Variants in CRAMP1 observed in about 807,000 individuals in gnomAD.
CRAMP1 encodes protein cramped-like.
Under a neutral mutation model 115.4 loss-of-function variants are expected in CRAMP1, and 50 were observed. That is an observed-to-expected ratio of 0.43 (90% CI 0.35 to 0.55). The LOEUF (loss-of-function observed/expected upper bound fraction) is 0.55. Among genes scored for constraint, CRAMP1 ranks in the 20% least tolerant of loss-of-function variants. The pLI is 0.01. For missense variants in CRAMP1, 1,679 were observed against 1,721.7 expected, an observed-to-expected ratio of 0.98 and a Z score of 0.44; for synonymous variants, 866 against 745.4, an observed-to-expected ratio of 1.16 and a Z score of -2.64.
intron 8 of CRAMP1, among the ~76,000 whole-genome samples, chr16:1,653,445 G>C (rs2036741294): frequency 6.6e-6 from 1 of 152,200 alleles, no homozygotes; most frequent in African/African-American, 2.4e-5. Flanking sequence ...GGCCCATACA[G>C]TTCCTCTCCC....
chr16:1,657,076 GC>G, intron 10 of CRAMP1, 84 bp downstream of exon 10: 1 of 1,258,014 alleles, frequency 7.9e-7, no homozygotes, highest in Non-Finnish European at 1.1e-6. Flanking sequence ...GGTAGCTAGG[GC>G]CAGCACGGTT....
intron 5 of CRAMP1, among the ~76,000 whole-genome samples, 192 bp from the exon 6 acceptor site, chr16:1,640,947 G>T (rs923493572): frequency 2.6e-5 from 4 of 152,166 alleles, no homozygotes; most frequent in African/African-American, 9.7e-5. Context: ...GAGCGGGGGC[G>T]ACCAGGGCAG....
Position 1,614,958 on chromosome 16 carries a change from G to A in CRAMP1, c.319G>A (p.Ala107Thr). Residue 107 changes from alanine (A) to threonine (T), a missense_variant, in exon 2 of 21, where the codon GCC becomes ACC. Ala to Thr is a moderately conservative substitution (Grantham distance 58). Around this residue, in one of 8 missense-constraint regions of CRAMP1, gnomAD observed 264 missense variants for 229.7 expected, o/e 1.15. Transcript: ENST00000397412. The surrounding 1 kb of genome is among the most constrained non-coding windows in gnomAD (Gnocchi z 4.4). ...DPPSAVGSGNAGGSGPRGKGA... is the reference protein window; with the variant it reads ...DPPSAVGSGNTGGSGPRGKGA... ...TCCGAGCGCTGTGGGGAGCGGCAAC[G>A]CCGGTGGCTCGGGGCCCCGCGGAAA... The A allele has an allele frequency of 7.9e-7, 1 of 1,260,210 alleles. No individual in the cohort carries two copies. Among genetic ancestry groups the A allele is most frequent in the Admixed American group, 4.2e-5 (1 of 24,090 alleles). 78.1% of individuals were successfully genotyped at this position (1,260,210 alleles called of 1,614,324 possible).
chr16:1,634,607 G>A (rs939462853), intron 4 of CRAMP1, among the ~76,000 whole-genome samples: 1 of 152,084 alleles, frequency 6.6e-6, no homozygotes, highest in African/African-American at 2.4e-5. Context: ...TCTCCTGTTC[G>A]TGCATCTTTG....
Position 1,656,892 on chromosome 16 carries a change from G to C in CRAMP1, c.2135G>C (p.Arg712Pro), listed in dbSNP as rs903823727. 2.6e-6 allele frequency: 4 copies of C among 1,551,336 alleles called. No homozygotes were observed. The highest frequency in any genetic ancestry group is 3.5e-6 in the Non-Finnish European group (4 of 1,147,712). ...GAGTACGACTGGCTGGGGCCCGGCCGCCAGGACCCCCGCCCCGGCTCCCTA... is the reference window on the plus strand; with the variant it reads ...GAGTACGACTGGCTGGGGCCCGGCCCCCAGGACCCCCGCCCCGGCTCCCTA... ...QLEYDWLGPG[R>P]QDPRPGSLPT... Residue 712 changes from arginine to proline, a missense_variant, in exon 10 of 21, where the codon CGC becomes CCC. Coordinates refer to ENST00000397412, the MANE Select transcript of CRAMP1 (RefSeq NM_020825.4). The surrounding 1 kb of genome is among the most constrained non-coding windows in gnomAD (Gnocchi z 5.6).
intron 6 of CRAMP1, among the ~76,000 whole-genome samples, chr16:1,647,585 A>G (rs2036686626): frequency 6.6e-6 from 1 of 151,976 alleles, no homozygotes; most frequent in East Asian, 1.9e-4. Flanking sequence ...TATTAAAAAT[A>G]CAAAATTAGC....
intron 5 of CRAMP1, among the ~76,000 whole-genome samples, chr16:1,640,670 G>A (rs2036624240): frequency 6.6e-6 from 1 of 152,248 alleles, no homozygotes; most frequent in African/African-American, 2.4e-5. Context: ...TCTTCATTCT[G>A]TGGACCCTGG....
At chr16:1,673,411 C>T (rs80216899) in intron 20 of CRAMP1, among the ~76,000 whole-genome samples, 2,951 of 152,314 alleles carry the variant, frequency 0.019, 220 homozygotes, top group Admixed American at 0.13. Context: ...GTCCTCATGT[C>T]TATGATGGAA....
rs1268638888 is a variant in CRAMP1, at chr16:1,666,027, A to C, written c.2753-46A>C. On this transcript the variant is annotated intron_variant, in intron 14 of 20. Transcript: ENST00000397412. This position sits in a 1 kb window ranked among gnomAD's most constrained non-coding sequence, Gnocchi z 5.0. ...TGCGGCCACATCCTGCTGTGAGGGC[A>C]TGGCGGGCGGGCTCGACATGTCTGC... 7.6e-7 allele frequency: 1 copy of C among 1,317,120 alleles called. No homozygotes were observed. The allele number at this position is 1,317,120 out of a possible 1,614,324, so 81.6% of individuals were successfully genotyped here.
chr16:1,649,136 A>G (rs1177721822), intron 6 of CRAMP1, among the ~76,000 whole-genome samples: 1 of 151,970 alleles, frequency 6.6e-6, no homozygotes, highest in Admixed American at 6.6e-5. Flanking sequence ...ATCCCTCAAG[A>G]CAGAAAATCT....
At chr16:1,653,713 C>A (rs773505307) in intron 8 of CRAMP1, among the ~76,000 whole-genome samples, 25 of 149,328 alleles carry the variant, frequency 1.7e-4, no homozygotes, top group Admixed American at 4.7e-4. Flanking sequence ...CCCAGCTACT[C>A]GGGAGGCTGA....
At chr16:1,662,125 T>A (rs527999430) in intron 11 of CRAMP1, among the ~76,000 whole-genome samples, 2 of 152,344 alleles carry the variant, frequency 1.3e-5, no homozygotes, top group East Asian at 3.9e-4. Flanking sequence ...ACATTGGTTT[T>A]CTGGCCCTTC....
At chr16:1,632,992 G>A (rs1596485446) in intron 4 of CRAMP1, among the ~76,000 whole-genome samples, 2 of 152,168 alleles carry the variant, frequency 1.3e-5, no homozygotes, top group African/African-American at 2.4e-5. Flanking sequence ...CTCCAGCAGC[G>A]CACCTGTGCT....
At chr16:1,627,639 C>T (rs1054901354) in intron 3 of CRAMP1, among the ~76,000 whole-genome samples, 3 of 152,170 alleles carry the variant, frequency 2.0e-5, no homozygotes, top group Non-Finnish European at 4.4e-5. Flanking sequence ...CCAGGTGGAC[C>T]GGACTGCCGT....
At position 1,677,699 on chromosome 16, in the gene CRAMP1, ATACAGTGTATG is replaced by A; in HGVS notation, c.*3657_*3667del. The A allele has an allele frequency of 6.5e-6, 1 of 152,806 alleles. No homozygotes were observed. The highest frequency in any genetic ancestry group is 3.4e-3 in the Middle Eastern group (1 of 294). 9.5% of individuals were successfully genotyped at this position (152,806 alleles called of 1,614,324 possible). A position where few individuals can be genotyped will look rare whatever the true frequency, so the allele number is the denominator to read the frequency against. ...TGTTTTATAGATTATAAATATGCAT[ATACAGTGTATG>A]TATAAAGCAGAATGCCTGCCTTTCC... On this transcript the variant is annotated 3_prime_UTR_variant, in exon 21 of 21. Transcript: ENST00000397412.
intron 6 of CRAMP1, among the ~76,000 whole-genome samples, chr16:1,650,668 G>A (rs1187976512): frequency 3.3e-5 from 5 of 152,102 alleles, no homozygotes; most frequent in East Asian, 1.9e-4. Context: ...AATTTTTTAC[G>A]CATCCTTAGA....
Position 1,656,751 on chromosome 16 carries a change from C to T in CRAMP1, c.1994C>T (p.Pro665Leu). 6.5e-7 allele frequency: 1 copy of T among 1,548,752 alleles called. No individual in the cohort carries two copies. Among genetic ancestry groups the T allele is most frequent in the Non-Finnish European group, 8.7e-7 (1 of 1,145,772 alleles). Reference sequence around the variant, plus strand: ...GCCGCCAGGCCCCCGAAGGAGGTCCCCGCCAGCCGGCTGGCTCAGCAGCTC... The same window carrying T: ...GCCGCCAGGCCCCCGAAGGAGGTCCTCGCCAGCCGGCTGGCTCAGCAGCTC... Reference protein sequence around the residue: ...QPAARPPKEVPASRLAQQLRE... With the variant: ...QPAARPPKEVLASRLAQQLRE... Residue 665 changes from proline (P) to leucine (L), a missense_variant, in exon 10 of 21, where the codon CCC becomes CTC. Coordinates refer to ENST00000397412, the MANE Select transcript of CRAMP1 (RefSeq NM_020825.4). This position sits in a 1 kb window ranked among gnomAD's most constrained non-coding sequence, Gnocchi z 5.6.
intron 11 of CRAMP1, among the ~76,000 whole-genome samples, chr16:1,661,679 C>A (rs1156331961): frequency 5.9e-5 from 9 of 151,488 alleles, no homozygotes; most frequent in Non-Finnish European, 1.3e-4. Context: ...CACTGCAACC[C>A]CCACCTCCTG....
In CRAMP1 at chr16:1,674,390, G is replaced by T; in HGVS notation, c.*345G>T. The T allele has an allele frequency of 3.4e-6, 1 of 290,130 alleles. No homozygotes were observed. The allele number at this position is 290,130 out of a possible 1,614,324, so 18.0% of individuals were successfully genotyped here. A position where few individuals can be genotyped will look rare whatever the true frequency, so the allele number is the denominator to read the frequency against. On this transcript the variant is annotated 3_prime_UTR_variant, in exon 21 of 21. Transcript: ENST00000397412. ...CCGGTGGCATTTCCTTCTGAGACAAGGGAGTATGTGTGCCTTGGTGTAGTT... is the reference window on the plus strand; with the variant it reads ...CCGGTGGCATTTCCTTCTGAGACAATGGAGTATGTGTGCCTTGGTGTAGTT...
Sources: allele counts gnomAD v4.1 joint callset (sites outside exome capture counted in the v4.1 genomes callset), GRCh38; gene constraint gnomAD v4.1.1; regional missense constraint gnomAD v4.1.1; non-coding constraint Gnocchi (gnomAD v3.1); transcripts MANE v1.5; gene names NCBI Gene and HGNC (gene_info 2026-07-23, HGNC 2026-07-21).